The following ZNF862 variants were observed in gnomAD, a reference collection of about 807,000 sequenced individuals.
The protein encoded by ZNF862 is zinc finger protein 862.
In ZNF862, 64 loss-of-function variants were observed where a neutral mutation model predicts 91.1. The observed-to-expected ratio is 0.70, with a 90% CI of 0.57 to 0.87. The LOEUF (loss-of-function observed/expected upper bound fraction) is 0.87. ZNF862 is among the 40% of genes least tolerant of loss of function. The pLI, the probability that ZNF862 is intolerant of heterozygous loss-of-function variation, is 0.00. For missense variants in ZNF862, 1,459 were observed against 1,528.0 expected, an observed-to-expected ratio of 0.95 and a Z score of 0.75; for synonymous variants, 631 against 618.1, an observed-to-expected ratio of 1.02 and a Z score of -0.31.
chr7:149,839,847 T>A (rs1046290095), intron 1 of ZNF862, among the ~76,000 whole-genome samples: 2 of 152,204 alleles, frequency 1.3e-5, no homozygotes, highest in Non-Finnish European at 2.9e-5. Flanking sequence ...ATCCCCAGAT[T>A]GGTTTAGATT....
At chr7:149,841,570 A>G in intron 1 of ZNF862, 1 of 985,464 alleles carries the variant, frequency 1.0e-6, no homozygotes, top group Non-Finnish European at 1.2e-6. Flanking sequence ...AGGAATGCTC[A>G]TAAAATAGCA....
At chr7:149,851,169 T>A (rs1483825178) in intron 5 of ZNF862, among the ~76,000 whole-genome samples, 2 of 152,154 alleles carry the variant, frequency 1.3e-5, no homozygotes, top group African/African-American at 2.4e-5. Context: ...GTGATCTTGG[T>A]TCACTGCAAC....
Position 149,848,396 on chromosome 7 carries a change from T to C in ZNF862, c.903T>C (p.Asn301=). Residue 301 remains asparagine (N), a synonymous_variant, in exon 4 of 8, where the codon AAT becomes AAC. Coordinates refer to ENST00000223210, the MANE Select transcript of ZNF862 (RefSeq NM_001099220.3). ...GCATCCACAGCTCCTCAGACATTAA[T>C]ATTTTATATAATGATGCAGTAGAAT... ...TDGIHSSSDI[N]ILYNDAVESC... is the part of the protein sequence containing the mutation. The C allele has an allele frequency of 2.5e-6, 4 of 1,580,052 alleles. No homozygotes were observed. The highest frequency in any genetic ancestry group is 3.4e-6 in the Non-Finnish European group (4 of 1,162,462).
chr7:149,864,449 T>C lies in ZNF862; in HGVS notation c.*165T>C, dbSNP rs1802642926. 3.0e-6 allele frequency: 2 copies of C among 677,962 alleles called. No homozygotes were observed. Among genetic ancestry groups the C allele is most frequent in the Non-Finnish European group, 4.9e-6 (2 of 411,008 alleles). The allele number at this position is 677,962 out of a possible 1,614,324, so 42.0% of individuals were successfully genotyped here. On this transcript the variant is annotated 3_prime_UTR_variant, in exon 8 of 8. Coordinates refer to ENST00000223210, the MANE Select transcript of ZNF862 (RefSeq NM_001099220.3). ...AGCAGCAGGGGTATCAGGAGGTGCA[T>C]GACCTGTTTCCTGAGGCCCCACTCA...
rs77177671 is a variant in ZNF862 at position 149,842,558 on chromosome 7, C to G, written c.25-2067C>G. Among the ~76,000 whole-genome samples the G allele has an allele frequency of 4.9e-3, 747 of 152,348 alleles. 3 individuals are homozygous for G. Among genetic ancestry groups the G allele is most frequent in the African/African-American group, 0.017 (711 of 41,582 alleles). The stretch of plus-strand genomic sequence containing the variant: ...GAGATACCAGGTGTTAGTGTTATCA[C>G]TCTTGTTAGGAAGACACTATTATCC... On this transcript the variant is annotated intron_variant, in intron 1 of 7. Coordinates refer to ENST00000223210, the MANE Select transcript of ZNF862 (RefSeq NM_001099220.3).
At chr7:149,847,423 CGTTT>C in intron 3 of ZNF862, among the ~76,000 whole-genome samples, 1 of 152,206 alleles carries the variant, frequency 6.6e-6, no homozygotes, top group Admixed American at 6.5e-5. Context: ...GAAGATTGTA[CGTTT>C]CATAGATCAG....
In ZNF862 at chr7:149,847,896, A is replaced by G. The variant is rs1380145459; in HGVS notation, c.403A>G (p.Lys135Glu). 6.2e-7 allele frequency: 1 copy of G among 1,608,144 alleles called. No homozygotes were observed. Among genetic ancestry groups the G allele is most frequent in the African/African-American group, 1.3e-5 (1 of 74,784 alleles). Residue 135 changes from lysine (K) to glutamate (E), a missense_variant, in exon 4 of 8, where the codon AAG becomes GAG. Lys to Glu is a moderately conservative substitution (Grantham distance 56, BLOSUM62 1). Coordinates refer to ENST00000223210, the MANE Select transcript of ZNF862 (RefSeq NM_001099220.3). The part of the protein sequence containing the change: ...DWAGRNRKLL[K>E]PRSIQKSWFV... The stretch of plus-strand genomic sequence containing the variant: ...GGCCGGAAGAAACAGGAAACTTCTG[A>G]AGCCCCGGTCCATCCAGAAGTCGTG...
intron 4 of ZNF862, 115 bp downstream of exon 4, chr7:149,848,547 T>C: frequency 1.2e-6 from 1 of 865,838 alleles, no homozygotes; most frequent in South Asian, 2.2e-5. Flanking sequence ...ACTGCTAACA[T>C]CATAATGTTG....
intron 5 of ZNF862, 73 bp from the exon 6 acceptor site, chr7:149,859,348 TG>T: frequency 7.8e-7 from 1 of 1,284,570 alleles, no homozygotes; most frequent in Non-Finnish European, 1.1e-6. Flanking sequence ...CTTCAGGGAC[TG>T]GGTCTAGCTT....
Position 149,860,931 on chromosome 7 carries a change from GGCAAGTACC to G in ZNF862, c.1776_1784del (p.Lys592_Arg594del), listed in dbSNP as rs759852677. 2.5e-6 allele frequency: 4 copies of G among 1,613,806 alleles called. No individual in the cohort carries two copies. The highest frequency in any genetic ancestry group is 1.1e-5 in the South Asian group (1 of 91,080). On this transcript the variant is annotated inframe_deletion, in exon 7 of 8. Transcript: ENST00000223210. ...CCAAAGCACGGGGACCGTGATATTA[GGCAAGTACC>G]GCAATCGCACGGCGTGCACTCAGTT...
At position 149,850,245 on chromosome 7, in the gene ZNF862, T is replaced by C. The variant is rs749638115; in HGVS notation, c.1024T>C (p.Phe342Leu). The C allele has an allele frequency of 6.2e-7, 1 of 1,612,934 alleles. No individual in the cohort carries two copies. The highest frequency in any genetic ancestry group is 1.7e-5 in the Admixed American group (1 of 59,820). The change falls in exon 5 of 8, where the codon TTC (phenylalanine) becomes CTC (leucine). Residue 342 changes from phenylalanine (F) to leucine (L), a missense_variant. Coordinates refer to ENST00000223210, the MANE Select transcript of ZNF862 (RefSeq NM_001099220.3). This position sits in a 1 kb window ranked among gnomAD's most constrained non-coding sequence, Gnocchi z 4.2. ...PVVFEDVAVY[F>L]TREEWGMLDK... is the part of the protein sequence containing the mutation. ...GGTGTTCGAGGATGTGGCAGTGTAT[T>C]TCACCCGGGAGGAGTGGGGCATGCT...
chr7:149,862,100 C>T lies in ZNF862; in HGVS notation c.2940C>T (p.Leu980=), dbSNP rs768569277. ...LNLARYFECS[L]PTGYSEEALL... Reference sequence around the variant, plus strand: ...TGGCCAGGTATTTCGAGTGCTCCCTCCCAACAGGATACAGTGAGGAAGCTC... The same window carrying T: ...TGGCCAGGTATTTCGAGTGCTCCCTTCCAACAGGATACAGTGAGGAAGCTC... Residue 980 remains leucine (L), a synonymous_variant, in exon 7 of 8, where the codon CTC becomes CTT. Coordinates refer to ENST00000223210, the MANE Select transcript of ZNF862 (RefSeq NM_001099220.3). 25 of 1,613,526 alleles carry T rather than the reference C, an allele frequency of 1.5e-5. No individual in the cohort carries two copies. The Admixed American group carries it at 4.2e-4, about 27-fold the overall frequency.
At chr7:149,840,722 A>G (rs1278960154) in intron 1 of ZNF862, 1 of 153,012 alleles carries the variant, frequency 6.5e-6, no homozygotes, top group Admixed American at 6.6e-5. Context: ...ACAGTGGCCT[A>G]CAGTTTTCAG....
At chr7:149,844,872 C>T (rs1801818774) in intron 2 of ZNF862, 136 bp downstream of exon 2, 2 of 635,588 alleles carry the variant, frequency 3.1e-6, no homozygotes, top group African/African-American at 1.8e-5. Context: ...CCTGTCTGCT[C>T]GATCCCGTAT....
Position 149,847,727 on chromosome 7 carries a change from C to T in ZNF862, c.242-8C>T. 6.3e-7 allele frequency: 1 copy of T among 1,599,858 alleles called. No homozygotes were observed. Among genetic ancestry groups the T allele is most frequent in the South Asian group, 1.1e-5 (1 of 89,036 alleles). On this transcript the variant is annotated splice_polypyrimidine_tract_variant and splice_region_variant and intron_variant, in intron 3 of 7. Transcript: ENST00000223210. Reference sequence around the variant, plus strand: ...TTAAAGCCAATCCCTTCTGTCTCTTCTCTAAAGGAAAAAAACAGATGGGCT... The same window carrying T: ...TTAAAGCCAATCCCTTCTGTCTCTTTTCTAAAGGAAAAAAACAGATGGGCT...
In ZNF862 at chr7:149,860,864, CT is replaced by C. The variant is rs766848376; in HGVS notation, c.1705del (p.Ser569GlnfsTer4). On this transcript the variant is annotated frameshift_variant, in exon 7 of 8. Transcript: ENST00000223210. LOFTEE classifies it high-confidence loss of function. ...FNAAYSIAYH[S>X]RPLNDFEKIL... ...ATGCCGCCTACTCCATTGCATACCA[CT>C]CAAGGCCCCTGAATGACTTTGAGAA... 8.1e-6 allele frequency: 13 copies of C among 1,613,594 alleles called. No homozygotes were observed. Among genetic ancestry groups the C allele is most frequent in the Non-Finnish European group, 1.1e-5 (13 of 1,179,908 alleles).
At chr7:149,838,691 G>C in intron 1 of ZNF862, 56 bp downstream of exon 1, 1 of 1,142,824 alleles carries the variant, frequency 8.8e-7, no homozygotes, top group South Asian at 4.5e-5. Flanking sequence ...CCCGAGCCGG[G>C]CTCGGGCGAG....
chr7:149,860,538 T>TA lies in ZNF862; in HGVS notation c.1379dup (p.Tyr460Ter). ...GDGPRRIKRT[Y>*]RPRSIQRSWF... Reference sequence around the variant, plus strand: ...TGGACCTAGGAGAATCAAGAGGACATACAGGCCCCGTTCCATTCAGAGGTC... The same window carrying TA: ...TGGACCTAGGAGAATCAAGAGGACATAACAGGCCCCGTTCCATTCAGAGGTC... The change falls in exon 7 of 8, where the codon TAC becomes TAAC. Residue 460 changes from tyrosine to a stop codon, truncating the protein, a stop_gained and frameshift_variant. Transcript: ENST00000223210. LOFTEE classifies it high-confidence loss of function. 2.5e-6 allele frequency: 4 copies of TA among 1,613,968 alleles called. No homozygotes were observed. Among genetic ancestry groups the TA allele is most frequent in the Non-Finnish European group, 3.4e-6 (4 of 1,179,872 alleles).
rs1372313958 is a variant in ZNF862, at chr7:149,866,563, A to AG, written c.*2283dup. 6.6e-6 allele frequency: 1 copy of AG among 152,132 alleles called. No homozygotes were observed. Among genetic ancestry groups the AG allele is most frequent in the Non-Finnish European group, 1.5e-5 (1 of 68,072 alleles). 9.4% of individuals were successfully genotyped at this position (152,132 alleles called of 1,614,324 possible). On this transcript the variant is annotated 3_prime_UTR_variant, in exon 8 of 8. Coordinates refer to ENST00000223210, the MANE Select transcript of ZNF862 (RefSeq NM_001099220.3). ...TAGTTCTGGAGCTGAGGTGGAAGCT[A>AG]GGGGAAGCAACTCGCCCTCTCCACG...
Sources: gnomAD v4.1 joint callset for allele counts (sites outside exome capture counted in the v4.1 genomes callset) on GRCh38, gnomAD v4.1.1 for gene constraint, Gnocchi (gnomAD v3.1) non-coding constraint, MANE v1.5 for transcripts, NCBI Gene and HGNC (gene_info 2026-07-23, HGNC 2026-07-21) for gene names.